GGACT: variants seen among roughly 807,000 people sequenced by gnomAD.
GGACT encodes gamma-glutamylaminecyclotransferase.
For synonymous variants in GGACT, 118 were observed against 115.3 expected (o/e 1.02, Z -0.15); for missense variants, 241 against 233.2 (o/e 1.03, Z -0.22).
chr13:100,567,302 G>T (rs568650721), intron 2 of GGACT, among the ~76,000 whole-genome samples: 1 of 152,116 alleles, frequency 6.6e-6, no homozygotes, highest in Non-Finnish European at 1.5e-5. Context: ...TTATTTATTT[G>T]TATCTACATG....
intron 2 of GGACT, among the ~76,000 whole-genome samples, chr13:100,572,873 G>T (rs967605490): frequency 1.3e-5 from 2 of 152,158 alleles, no homozygotes; most frequent in Admixed American, 6.5e-5. Flanking sequence ...GTGTACTCTA[G>T]AACTTGCTTT....
intron 2 of GGACT, among the ~76,000 whole-genome samples, chr13:100,540,858 G>A (rs567722908): frequency 7.9e-5 from 12 of 152,348 alleles, no homozygotes; most frequent in Non-Finnish European, 1.5e-4. Flanking sequence ...CTGAGAAAAT[G>A]TCGGGCTCCT....
chr13:100,557,861 A>G (rs535843528), intron 2 of GGACT, among the ~76,000 whole-genome samples: 23 of 152,246 alleles, frequency 1.5e-4, no homozygotes, highest in African/African-American at 5.5e-4. Flanking sequence ...TCACACCTCA[A>G]GAAGAAGAAA....
chr13:100,588,684 C>T (rs1875659567), intron 1 of GGACT, 57 bp downstream of exon 1: 1 of 151,666 alleles, frequency 6.6e-6, no homozygotes, highest in African/African-American at 2.4e-5. Flanking sequence ...CCAGGACACC[C>T]CGCCTGGGGG....
At chr13:100,585,584 A>G (rs1044665079) in intron 1 of GGACT, among the ~76,000 whole-genome samples, 3 of 152,076 alleles carry the variant, frequency 2.0e-5, no homozygotes, top group East Asian at 1.9e-4. Context: ...TGTGGCCAAC[A>G]TGGTGAAACC....
intron 1 of GGACT, among the ~76,000 whole-genome samples, chr13:100,586,151 G>A (rs571432400): frequency 6.6e-6 from 1 of 152,216 alleles, no homozygotes; most frequent in South Asian, 2.1e-4. Flanking sequence ...ATCAGGAGGT[G>A]ATAATTGTAT....
chr13:100,536,508 T>C (rs2088494354), intron 2 of GGACT: 1 of 144,962 alleles, frequency 6.9e-6, no homozygotes. Context: ...TTGTTGTGTG[T>C]TTTTTTTTTC....
chr13:100,532,523 G>C lies in GGACT; in HGVS notation c.69C>G (p.Gly23=). Residue 23 remains glycine (G), a synonymous_variant, in exon 3 of 3, where the codon GGC becomes GGG. Coordinates refer to ENST00000683975, the MANE Select transcript of GGACT (RefSeq NM_001195087.2). ...CCCGAAAGGCTGCGGAGCCGTGGGC[G>C]CCGTCCCGCAGGACCCTGTGGTTGG... is the stretch of plus-strand genomic sequence containing the variant. ...GQPNHRVLRD[G]AHGSAAFRAR... 1 of 1,548,262 alleles carries C rather than the reference G, an allele frequency of 6.5e-7. No individual in the cohort carries two copies. Among genetic ancestry groups the C allele is most frequent in the South Asian group, 1.2e-5 (1 of 83,910 alleles).
At chr13:100,581,462 G>A (rs1387890967) in intron 2 of GGACT, among the ~76,000 whole-genome samples, 7 of 152,232 alleles carry the variant, frequency 4.6e-5, no homozygotes, top group Admixed American at 4.6e-4. Flanking sequence ...AGGAACAACT[G>A]GAGAACAAAA....
chr13:100,572,397 C>G lies in GGACT; in HGVS notation c.-11+11428G>C, dbSNP rs141711063. Among the ~76,000 whole-genome samples the G allele has an allele frequency of 1.2e-3, 187 of 151,992 alleles. No homozygotes were observed. The East Asian group carries it at 0.016, about 13-fold the overall frequency. ...ATGGTGATTACCAGGAGCTGGGGGA[C>G]GGGGAAAATGGGGAGTTGTTTAATG... On this transcript the variant is annotated intron_variant, in intron 2 of 2. Coordinates refer to ENST00000683975, the MANE Select transcript of GGACT (RefSeq NM_001195087.2).
chr13:100,573,785 C>T (rs1369490094), intron 2 of GGACT, among the ~76,000 whole-genome samples: 2 of 151,438 alleles, frequency 1.3e-5, no homozygotes. Context: ...GGCCAACAAA[C>T]ATACCCAAAA....
chr13:100,560,728 C>T (rs1488119650), intron 2 of GGACT, among the ~76,000 whole-genome samples: 1 of 152,244 alleles, frequency 6.6e-6, no homozygotes, highest in Non-Finnish European at 1.5e-5. Context: ...TTATTCTGGA[C>T]ATTTCCATTC....
intron 2 of GGACT, among the ~76,000 whole-genome samples, chr13:100,548,482 A>G (rs2088628654): frequency 1.3e-5 from 2 of 152,268 alleles, no homozygotes; most frequent in Admixed American, 6.5e-5. Context: ...GGATGAGAAT[A>G]TGTAAGAATA....
At chr13:100,574,300 T>G (rs1015871014) in intron 2 of GGACT, among the ~76,000 whole-genome samples, 1 of 152,154 alleles carries the variant, frequency 6.6e-6, no homozygotes, top group African/African-American at 2.4e-5. Context: ...TGGCCGGGCG[T>G]GGTGGCTCAT....
chr13:100,535,526 T>G (rs2088478835), intron 2 of GGACT, among the ~76,000 whole-genome samples: 1 of 152,160 alleles, frequency 6.6e-6, no homozygotes, highest in African/African-American at 2.4e-5. Flanking sequence ...GAGACCGCGG[T>G]GGGTACCAAC....
chr13:100,570,696 G>A (rs979136002), intron 2 of GGACT, among the ~76,000 whole-genome samples: 2 of 152,048 alleles, frequency 1.3e-5, no homozygotes, highest in East Asian at 3.9e-4. Context: ...TAAGCTTCCT[G>A]AGGCCTCATC....
At chr13:100,551,262 C>T (rs970816201) in intron 2 of GGACT, among the ~76,000 whole-genome samples, 12 of 151,554 alleles carry the variant, frequency 7.9e-5, no homozygotes, top group African/African-American at 2.4e-4. Flanking sequence ...CCAGCCTGGG[C>T]GACAGAGCGA....
Position 100,530,446 on chromosome 13 carries a change from C to G in GGACT, c.*1684G>C, listed in dbSNP as rs996416701. ...GAGCATTTGTCTAAATATTAGTTTGCCCTTTCTTTGAATGAAGACAATGTA... is the reference window on the plus strand; with the variant it reads ...GAGCATTTGTCTAAATATTAGTTTGGCCTTTCTTTGAATGAAGACAATGTA... On this transcript the variant is annotated 3_prime_UTR_variant, in exon 3 of 3. Transcript: ENST00000683975. The G allele has an allele frequency of 1.9e-6, 1 of 530,140 alleles. No individual in the cohort carries two copies. The highest frequency in any genetic ancestry group is 1.9e-5 in the African/African-American group (1 of 52,256). 32.8% of individuals were successfully genotyped at this position (530,140 alleles called of 1,614,324 possible).
At chr13:100,563,648 C>G (rs1446212018) in intron 2 of GGACT, among the ~76,000 whole-genome samples, 1 of 152,156 alleles carries the variant, frequency 6.6e-6, no homozygotes, top group Admixed American at 6.5e-5. Flanking sequence ...AAGACCCTGT[C>G]TTTACATTAA....
Sources: gnomAD v4.1 joint callset for allele counts (sites outside exome capture counted in the v4.1 genomes callset) on GRCh38, gnomAD v4.1.1 for gene constraint, MANE v1.5 for transcripts, NCBI Gene and HGNC (gene_info 2026-07-23, HGNC 2026-07-21) for gene names.